Variants in SPAG17 observed in about 807,000 individuals in gnomAD.
SPAG17 encodes the protein sperm associated antigen 17, also known as sperm-associated antigen 17.
SPAG17 carries 169 observed loss-of-function variants against 273.6 expected under a neutral mutation model. That is an observed-to-expected ratio of 0.62 (90% confidence interval 0.55 to 0.70). The LOEUF is 0.70. Among genes scored for constraint, SPAG17 ranks in the 30% least tolerant of loss-of-function variants. The probability of loss-of-function intolerance (pLI) is 0.00; values close to 1 mark genes in which losing one functional copy is unlikely to be tolerated. For synonymous variants in SPAG17, 825 were observed against 873.2 expected (o/e 0.94, Z 0.97); for missense variants, 2,557 against 2,627.8 (o/e 0.97, Z 0.59).
chr1:118,085,505 C>T (rs566080489), intron 13 of SPAG17, among the ~76,000 whole-genome samples: 3 of 140,470 alleles, frequency 2.1e-5, no homozygotes, highest in East Asian at 5.6e-4. Flanking sequence ...AAATTATATG[C>T]GTGCATGCGT....
intron 24 of SPAG17, 169 bp downstream of exon 24, chr1:118,036,601 G>GACACAC (rs35746934): frequency 7.2e-5 from 36 of 497,346 alleles, no homozygotes; most frequent in South Asian, 6.0e-4. Flanking sequence ...CACATATATA[G>GACACAC]ACACACACAC....
chr1:118,163,636 A>C (rs1570807841), intron 1 of SPAG17, among the ~76,000 whole-genome samples: 6 of 133,512 alleles, frequency 4.5e-5, no homozygotes, highest in South Asian at 2.3e-4. Flanking sequence ...TTTTCAATCC[A>C]CTCCTCTTTC....
At chr1:118,095,518 A>G (rs757820659) in intron 7 of SPAG17, among the ~76,000 whole-genome samples, 2 of 152,172 alleles carry the variant, frequency 1.3e-5, no homozygotes, top group East Asian at 1.9e-4. Context: ...AGTTCCTGAT[A>G]GGGTATGTAG....
chr1:117,989,297 C>T (rs1440129300), intron 38 of SPAG17, among the ~76,000 whole-genome samples: 4 of 152,040 alleles, frequency 2.6e-5, no homozygotes, highest in Admixed American at 2.6e-4. Context: ...ATGGTGCGGT[C>T]ATCTGCTTCT....
At chr1:118,183,518 T>C (rs1661042859) in intron 1 of SPAG17, among the ~76,000 whole-genome samples, 1 of 152,228 alleles carries the variant, frequency 6.6e-6, no homozygotes, top group South Asian at 2.1e-4. Context: ...TTGAGTTCAC[T>C]GTTTATAGTT....
At chr1:118,177,217 T>G (rs1203319725) in intron 1 of SPAG17, among the ~76,000 whole-genome samples, 1 of 152,150 alleles carries the variant, frequency 6.6e-6, no homozygotes, top group Non-Finnish European at 1.5e-5. Flanking sequence ...AATTCTCTAT[T>G]GCTGGGGAGG....
chr1:118,011,521 T>C (rs1268762735), intron 30 of SPAG17, among the ~76,000 whole-genome samples: 1 of 152,022 alleles, frequency 6.6e-6, no homozygotes, highest in African/African-American at 2.4e-5. Flanking sequence ...AGCCAAATGA[T>C]GAAAACACAT....
intron 15 of SPAG17, among the ~76,000 whole-genome samples, chr1:118,078,549 C>T (rs1557994120): frequency 6.6e-6 from 1 of 151,962 alleles, no homozygotes. Context: ...TTTATTTCTT[C>T]CTTTTCAAAC....
intron 15 of SPAG17, among the ~76,000 whole-genome samples, chr1:118,077,670 A>G (rs541835393): frequency 1.9e-4 from 29 of 152,290 alleles, no homozygotes; most frequent in African/African-American, 7.0e-4. Context: ...CTATCGCCAT[A>G]AGAACTCAGG....
At chr1:118,156,246 G>A (rs1659642155) in intron 1 of SPAG17, among the ~76,000 whole-genome samples, 1 of 152,164 alleles carries the variant, frequency 6.6e-6, no homozygotes, top group African/African-American at 2.4e-5. Flanking sequence ...AACTCATTAG[G>A]TCAGAAATGA....
chr1:118,165,909 C>T (rs889693388), intron 1 of SPAG17, among the ~76,000 whole-genome samples: 1 of 152,128 alleles, frequency 6.6e-6, no homozygotes, highest in Non-Finnish European at 1.5e-5. Context: ...TCCCAAAGTG[C>T]TGGGATTACG....
At chr1:118,152,467 G>C (rs969488597) in intron 1 of SPAG17, among the ~76,000 whole-genome samples, 6 of 152,066 alleles carry the variant, frequency 3.9e-5, no homozygotes, top group African/African-American at 1.4e-4. Context: ...GTATAGGTGG[G>C]AGAAAATACT....
chr1:118,061,165 T>G (rs771607790), intron 18 of SPAG17, among the ~76,000 whole-genome samples: 1 of 152,040 alleles, frequency 6.6e-6, no homozygotes, highest in Non-Finnish European at 1.5e-5. Context: ...AAATTAGAAA[T>G]AGAACAACCA....
Position 117,986,571 on chromosome 1 carries a change from A to T in SPAG17, c.5669+1263T>A, listed in dbSNP as rs193105133. 5.9e-3 allele frequency among the ~76,000 whole-genome samples: 902 copies of T among 152,344 alleles called. 7 individuals carry two copies. Among genetic ancestry groups the T allele is most frequent in the Non-Finnish European group, 0.01 (690 of 68,040 alleles). On this transcript the variant is annotated intron_variant, in intron 40 of 48. Transcript: ENST00000336338. Reference sequence around the variant, plus strand: ...ATTGTTAATGTTTCAAAATTTAAAAAGTTTGTATAGATAATACAGGCATAT... The same window carrying T: ...ATTGTTAATGTTTCAAAATTTAAAATGTTTGTATAGATAATACAGGCATAT...
At chr1:118,017,750 G>T (rs902709111) in intron 28 of SPAG17, among the ~76,000 whole-genome samples, 1 of 152,126 alleles carries the variant, frequency 6.6e-6, no homozygotes, top group Non-Finnish European at 1.5e-5. Flanking sequence ...AACAAATTTG[G>T]ATATGAAAGG....
chr1:118,048,172 G>T (rs1316426489), intron 20 of SPAG17, among the ~76,000 whole-genome samples: 1 of 152,106 alleles, frequency 6.6e-6, no homozygotes, highest in African/African-American at 2.4e-5. Flanking sequence ...GCCCATCCTT[G>T]TGGACCTATT....
Position 118,126,509 on chromosome 1 carries a change from G to A in SPAG17, c.316-11068C>T, listed in dbSNP as rs150884329. 5.9e-3 allele frequency among the ~76,000 whole-genome samples: 892 copies of A among 151,750 alleles called. 10 individuals carry two copies. The highest frequency in any genetic ancestry group is 0.02 in the African/African-American group (844 of 41,396). ...ATTACAGGTGTGAGCCACCGCGCCC[G>A]GCCTCCTTTATCCATTTTTTAATTA... On this transcript the variant is annotated intron_variant, in intron 3 of 48. Coordinates refer to ENST00000336338, the MANE Select transcript of SPAG17 (RefSeq NM_206996.4).
chr1:118,040,932 T>G (rs1237708914), intron 21 of SPAG17, 91 bp from the exon 22 acceptor site: 7 of 803,490 alleles, frequency 8.7e-6, no homozygotes, highest in Non-Finnish European at 1.3e-5. Flanking sequence ...TGCCAGAAGC[T>G]TAATTTCTGC....
intron 1 of SPAG17, among the ~76,000 whole-genome samples, chr1:118,181,721 T>A (rs939380848): frequency 2.0e-5 from 3 of 151,922 alleles, no homozygotes; most frequent in Non-Finnish European, 2.9e-5. Context: ...AAATAAAAAA[T>A]AAAAAGTGCT....
Sources: gnomAD v4.1 joint callset for allele counts (sites outside exome capture counted in the v4.1 genomes callset) on GRCh38, gnomAD v4.1.1 for gene constraint, MANE v1.5 for transcripts, NCBI Gene and HGNC (gene_info 2026-07-23, HGNC 2026-07-21) for gene names.